Variants in PCDH9 observed in about 807,000 individuals in gnomAD.
The protein encoded by PCDH9 is protocadherin 9, also known as protocadherin-9.
In PCDH9, 24 loss-of-function variants were observed where a neutral mutation model predicts 70.6. That is an observed-to-expected ratio of 0.34 (90% confidence interval 0.25 to 0.48). PCDH9 has a LOEUF of 0.48. PCDH9 is among the 20% of genes least tolerant of loss of function. PCDH9 has a pLI of 0.99. For missense variants in PCDH9, 1,281 were observed against 1,503.6 expected, an observed-to-expected ratio of 0.85 and a Z score of 2.45; for synonymous variants, 562 against 558.5, an observed-to-expected ratio of 1.01 and a Z score of -0.09.
At chr13:67,050,903 G>A (rs1187106519) in intron 2 of PCDH9, among the ~76,000 whole-genome samples, 1 of 152,032 alleles carries the variant, frequency 6.6e-6, no homozygotes, top group Admixed American at 6.6e-5. Context: ...TCACCCTACT[G>A]TCTATTTTAA....
At chr13:66,845,494 G>T (rs543962853) in intron 3 of PCDH9, among the ~76,000 whole-genome samples, 191 of 152,328 alleles carry the variant, frequency 1.3e-3, no homozygotes, top group Non-Finnish European at 1.4e-3. Flanking sequence ...GTCCCCAAGA[G>T]TGAAGAGATG....
At chr13:66,490,320 T>C (rs1408574045) in intron 4 of PCDH9, among the ~76,000 whole-genome samples, 1 of 152,208 alleles carries the variant, frequency 6.6e-6, no homozygotes, top group Non-Finnish European at 1.5e-5. Flanking sequence ...ATTTTTCCAT[T>C]AATGCTTTCT....
intron 2 of PCDH9, among the ~76,000 whole-genome samples, chr13:67,039,149 T>C (rs1377128840): frequency 6.6e-6 from 1 of 152,182 alleles, no homozygotes; most frequent in Non-Finnish European, 1.5e-5. Flanking sequence ...GAGATCCTTC[T>C]GGAATTGGAA....
chr13:66,509,380 T>TA (rs1391800153), intron 4 of PCDH9, among the ~76,000 whole-genome samples: 1 of 152,174 alleles, frequency 6.6e-6, no homozygotes, highest in Non-Finnish European at 1.5e-5. Flanking sequence ...GTTATGAGCC[T>TA]AACTTCTTAG....
chr13:66,468,124 T>C (rs1051148773), intron 4 of PCDH9, among the ~76,000 whole-genome samples: 1 of 151,976 alleles, frequency 6.6e-6, no homozygotes, highest in Non-Finnish European at 1.5e-5. Flanking sequence ...AAAAGTGTCC[T>C]AATTACCTTT....
At chr13:66,726,488 G>T (rs2079007349) in intron 3 of PCDH9, among the ~76,000 whole-genome samples, 1 of 152,100 alleles carries the variant, frequency 6.6e-6, no homozygotes, top group Admixed American at 6.6e-5. Flanking sequence ...GAAGATCCAA[G>T]AATGCACTGT....
chr13:66,365,697 C>A (rs557481018), intron 4 of PCDH9, among the ~76,000 whole-genome samples: 7 of 152,124 alleles, frequency 4.6e-5, no homozygotes, highest in Non-Finnish European at 1.0e-4. Context: ...CTACCAAATC[C>A]ATCTCAAATA....
intron 2 of PCDH9, among the ~76,000 whole-genome samples, chr13:67,076,311 T>C (rs1442248368): frequency 2.0e-5 from 3 of 152,134 alleles, no homozygotes; most frequent in Non-Finnish European, 4.4e-5. Context: ...TGAGAATGGA[T>C]GAGGTTTAAT....
At chr13:66,742,011 C>T (rs1192134440) in intron 3 of PCDH9, among the ~76,000 whole-genome samples, 2 of 135,704 alleles carry the variant, frequency 1.5e-5, no homozygotes, top group Admixed American at 7.6e-5. Context: ...TCATATGGAA[C>T]CAAAAAAGAG....
chr13:66,917,030 T>C (rs1725337383), intron 2 of PCDH9, among the ~76,000 whole-genome samples: 1 of 151,546 alleles, frequency 6.6e-6, no homozygotes, highest in Non-Finnish European at 1.5e-5. Flanking sequence ...GATGAAGTTT[T>C]CTTTAAAAAT....
rs896382098 is a variant in PCDH9, at chr13:66,411,452, A to G, written c.3341-106424T>C. 3.9e-4 allele frequency among the ~76,000 whole-genome samples: 59 copies of G among 152,110 alleles called. 1 individual carries two copies. Among genetic ancestry groups the G allele is most frequent in the Admixed American group, 3.1e-3 (48 of 15,280 alleles). The stretch of plus-strand genomic sequence containing the variant: ...CAGGTGCATCCCACCACATCCAGCT[A>G]ATTAATTTTTTTTCTTTTAGATATG... On this transcript the variant is annotated intron_variant, in intron 4 of 4. Transcript: ENST00000377865.
chr13:66,472,430 G>A (rs980679052), intron 4 of PCDH9, among the ~76,000 whole-genome samples: 1 of 151,830 alleles, frequency 6.6e-6, no homozygotes, highest in South Asian at 2.1e-4. Flanking sequence ...AAATTAGTCA[G>A]GCATGGTGGC....
At chr13:66,495,099 C>T (rs1437533011) in intron 4 of PCDH9, among the ~76,000 whole-genome samples, 1 of 151,964 alleles carries the variant, frequency 6.6e-6, no homozygotes, top group Non-Finnish European at 1.5e-5. Flanking sequence ...TTGAATTTAG[C>T]AGATGGGTAT....
At chr13:67,035,400 A>T (rs1018271714) in intron 2 of PCDH9, among the ~76,000 whole-genome samples, 1 of 152,068 alleles carries the variant, frequency 6.6e-6, no homozygotes, top group Admixed American at 6.5e-5. Flanking sequence ...TGGTTGAATT[A>T]TGTTTATAAA....
intron 3 of PCDH9, among the ~76,000 whole-genome samples, chr13:66,701,234 A>G (rs1433009663): frequency 1.3e-5 from 2 of 151,700 alleles, no homozygotes; most frequent in African/African-American, 4.8e-5. Context: ...AGATTTTTGC[A>G]TCATGGCTAC....
intron 2 of PCDH9, among the ~76,000 whole-genome samples, chr13:66,941,339 C>A (rs2083003368): frequency 6.6e-6 from 1 of 150,486 alleles, no homozygotes; most frequent in Non-Finnish European, 1.5e-5. Flanking sequence ...TCTGAAAAAG[C>A]AAAAAAATGA....
At chr13:66,706,576 G>A (rs148878632) in intron 3 of PCDH9, among the ~76,000 whole-genome samples, 1 of 152,284 alleles carries the variant, frequency 6.6e-6, no homozygotes, top group African/African-American at 2.4e-5. Context: ...ATATTTACCA[G>A]TTATTATTAA....
At chr13:66,660,181 T>C (rs2139014225) in intron 3 of PCDH9, among the ~76,000 whole-genome samples, 1 of 152,280 alleles carries the variant, frequency 6.6e-6, no homozygotes, top group South Asian at 2.1e-4. Context: ...CCTGGTGAAA[T>C]GCCGTGGAAA....
intron 4 of PCDH9, among the ~76,000 whole-genome samples, chr13:66,473,136 T>C (rs935477275): frequency 2.0e-5 from 3 of 152,152 alleles, no homozygotes; most frequent in South Asian, 4.1e-4. Flanking sequence ...TATTCAAACT[T>C]TTTTGGAGAC....
Sources: allele counts gnomAD v4.1 joint callset (sites outside exome capture counted in the v4.1 genomes callset), GRCh38; gene constraint gnomAD v4.1.1; transcripts MANE v1.5; gene names NCBI Gene and HGNC (gene_info 2026-07-23, HGNC 2026-07-21).